GPC5: variants seen among roughly 807,000 people sequenced by gnomAD.
The protein encoded by GPC5 is glypican-5.
GPC5 carries 47 observed loss-of-function variants against 53.9 expected under a neutral mutation model. The ratio of observed to expected loss-of-function variants is 0.87; its 90% CI spans 0.69 to 1.11. The LOEUF (loss-of-function observed/expected upper bound fraction) is 1.11. Among genes scored for constraint, GPC5 ranks in the 50% most tolerant of loss-of-function variants. The probability of loss-of-function intolerance (pLI) is 0.00; values close to 1 mark genes in which losing one functional copy is unlikely to be tolerated. For missense variants in GPC5, 748 were observed against 713.1 expected (o/e 1.05, Z -0.56); for synonymous variants, 286 against 263.3 (o/e 1.09, Z -0.84).
At chr13:92,476,853 A>G (rs1262030373) in intron 7 of GPC5, among the ~76,000 whole-genome samples, 4 of 132,812 alleles carry the variant, frequency 3.0e-5, no homozygotes, top group Non-Finnish European at 6.2e-5. Flanking sequence ...ATGAGAACAC[A>G]TGGACACAGG....
intron 2 of GPC5, among the ~76,000 whole-genome samples, chr13:91,555,963 T>C (rs2030923273): frequency 6.6e-6 from 1 of 151,970 alleles, no homozygotes; most frequent in Admixed American, 6.6e-5. Context: ...AAGATGAGAT[T>C]TGGGTGGGGA....
intron 7 of GPC5, among the ~76,000 whole-genome samples, chr13:92,355,051 C>G (rs564467718): frequency 8.6e-5 from 13 of 151,136 alleles, no homozygotes; most frequent in African/African-American, 3.2e-4. Flanking sequence ...TGCAGATTAG[C>G]ATAATATTTA....
chr13:92,144,818 A>G lies in GPC5; in HGVS notation c.1402-12A>G, dbSNP rs780366871. 1 of 1,604,848 alleles carries G rather than the reference A, an allele frequency of 6.2e-7. No homozygotes were observed. Among genetic ancestry groups the G allele is most frequent in the Non-Finnish European group, 8.5e-7 (1 of 1,176,062 alleles). ...TTGCTATTAGTAAAGGCCTTTCTTT[A>G]TGTACAATTAGTTGTTACAGGGTAG... On this transcript the variant is annotated splice_polypyrimidine_tract_variant and intron_variant, in intron 6 of 7. Transcript: ENST00000377067.
chr13:92,439,890 G>A (rs1877476164), intron 7 of GPC5, among the ~76,000 whole-genome samples: 1 of 150,580 alleles, frequency 6.6e-6, no homozygotes, highest in African/African-American at 2.4e-5. Context: ...GGTAGAAGGA[G>A]AAGTGATTTT....
At chr13:91,453,939 C>G (rs562000836) in intron 2 of GPC5, among the ~76,000 whole-genome samples, 16 of 152,104 alleles carry the variant, frequency 1.1e-4, no homozygotes, top group African/African-American at 3.6e-4. Context: ...ATTCAGACTC[C>G]TAATATGCCG....
rs181916415 is a variant in GPC5 at position 92,163,009 on chromosome 13, T to G, written c.1561+18020T>G. On this transcript the variant is annotated intron_variant, in intron 7 of 7. Transcript: ENST00000377067. ...AATCATCCCCATATTCGTCATTACA[T>G]TCTTGGGATCAAATATACTGCATGA... Among the ~76,000 whole-genome samples, 934 of 152,216 alleles carry G rather than the reference T, an allele frequency of 6.1e-3. 5 individuals carry two copies. The highest frequency in any genetic ancestry group is 9.7e-3 in the Non-Finnish European group (657 of 68,010).
chr13:91,807,072 A>G (rs999983755), intron 5 of GPC5, among the ~76,000 whole-genome samples: 3 of 152,140 alleles, frequency 2.0e-5, no homozygotes, highest in Non-Finnish European at 4.4e-5. Flanking sequence ...AACTAATATC[A>G]GATTCACTAA....
intron 7 of GPC5, among the ~76,000 whole-genome samples, chr13:92,499,156 C>A (rs924676456): frequency 6.6e-6 from 1 of 152,072 alleles, no homozygotes; most frequent in African/African-American, 2.4e-5. Context: ...AGCACACCAA[C>A]AGACGTCCCT....
chr13:91,999,017 T>C (rs1037722068), intron 6 of GPC5, among the ~76,000 whole-genome samples: 2 of 152,158 alleles, frequency 1.3e-5, no homozygotes, highest in South Asian at 4.1e-4. Context: ...TCTAGCTCAA[T>C]AGGCTTTGCA....
chr13:91,497,452 G>C (rs61037362), intron 2 of GPC5, among the ~76,000 whole-genome samples: 8,389 of 152,180 alleles, frequency 0.055, 290 homozygotes, highest in African/African-American at 0.084. Flanking sequence ...CCACAGAAGA[G>C]ATGACAATTT....
intron 5 of GPC5, among the ~76,000 whole-genome samples, chr13:91,817,501 G>A (rs943999768): frequency 2.6e-5 from 4 of 152,214 alleles, no homozygotes; most frequent in Admixed American, 6.5e-5. Flanking sequence ...CAGTCAGCCC[G>A]TTTAGTGTAA....
At chr13:92,563,572 A>G (rs1156507099) in intron 7 of GPC5, among the ~76,000 whole-genome samples, 3 of 152,154 alleles carry the variant, frequency 2.0e-5, no homozygotes, top group African/African-American at 7.2e-5. Context: ...GCTCAATAAC[A>G]TATATTAGTC....
intron 5 of GPC5, among the ~76,000 whole-genome samples, chr13:91,811,090 A>C (rs868571891): frequency 4.6e-5 from 7 of 152,052 alleles, no homozygotes; most frequent in Middle Eastern, 3.4e-3. Flanking sequence ...AACTGTCACA[A>C]CTTCCTTAAA....
chr13:92,845,447 GA>G (rs1199827787), intron 7 of GPC5, among the ~76,000 whole-genome samples: 1 of 151,984 alleles, frequency 6.6e-6, no homozygotes, highest in African/African-American at 2.4e-5. Context: ...TGAAACCCAG[GA>G]AAAAAGTGAT....
intron 7 of GPC5, among the ~76,000 whole-genome samples, chr13:92,159,195 C>T (rs1260206239): frequency 1.3e-5 from 2 of 152,168 alleles, no homozygotes; most frequent in African/African-American, 4.8e-5. Flanking sequence ...GATTCTCCTT[C>T]CAGGTATTAT....
chr13:91,499,689 A>G (rs1053472555), intron 2 of GPC5, among the ~76,000 whole-genome samples: 1 of 152,172 alleles, frequency 6.6e-6, no homozygotes, highest in Admixed American at 6.5e-5. Flanking sequence ...CTCGTCTTTC[A>G]TCAGGTTTGT....
chr13:92,161,674 T>C (rs1281338381), intron 7 of GPC5, among the ~76,000 whole-genome samples: 1 of 151,976 alleles, frequency 6.6e-6, no homozygotes, highest in African/African-American at 2.4e-5. Context: ...TATTTTGCAT[T>C]AGTTTAATGT....
chr13:92,232,374 C>T (rs2042537383), intron 7 of GPC5, among the ~76,000 whole-genome samples: 1 of 152,046 alleles, frequency 6.6e-6, no homozygotes, highest in Admixed American at 6.6e-5. Context: ...AAACAGGCCA[C>T]CAGGAATATT....
intron 3 of GPC5, among the ~76,000 whole-genome samples, chr13:91,698,774 A>C (rs556180872): frequency 6.6e-6 from 1 of 152,304 alleles, no homozygotes. Context: ...AAGTCATGAC[A>C]TTTGCTTAGC....
Sources: allele counts gnomAD v4.1 joint callset (sites outside exome capture counted in the v4.1 genomes callset), GRCh38; gene constraint gnomAD v4.1.1; transcripts MANE v1.5; gene names NCBI Gene and HGNC (gene_info 2026-07-23, HGNC 2026-07-21).